Variants in NRG3 observed in about 807,000 individuals in gnomAD.
NRG3 encodes the protein neuregulin 3, also known as pro-neuregulin-3, membrane-bound isoform.
In NRG3, 31 loss-of-function variants were observed where a neutral mutation model predicts 66.9. The observed-to-expected ratio is 0.46, with a 90% confidence interval of 0.35 to 0.63. The LOEUF (loss-of-function observed/expected upper bound fraction) is 0.63, where lower values mean the gene tolerates loss of function less well. Ranked by LOEUF, NRG3 falls within the 20% of genes least tolerant of loss-of-function variation. The probability of loss-of-function intolerance (pLI) is 0.00; values close to 1 mark genes in which losing one functional copy is unlikely to be tolerated. For missense variants in NRG3, 910 were observed against 878.9 expected (o/e 1.04, Z -0.45); for synonymous variants, 393 against 359.4 (o/e 1.09, Z -1.06).
At chr10:82,966,435 A>C (rs941161333) in intron 6 of NRG3, among the ~76,000 whole-genome samples, 10 of 152,148 alleles carry the variant, frequency 6.6e-5, no homozygotes, top group African/African-American at 2.4e-4. Context: ...TTTCTGTAGA[A>C]ATTTTTAAAG....
rs139476233 is a variant in NRG3 at position 82,675,261 on chromosome 10, G to A, written c.954-63316G>A. Among the ~76,000 whole-genome samples the A allele has an allele frequency of 1.4e-3, 213 of 152,146 alleles. 2 individuals carry two copies. The East Asian group carries it at 0.034, about 24-fold the overall frequency. Reference sequence around the variant, plus strand: ...TGTGAGACACTGCACCCGGCCTTGGGGTTTTTCAAAGATTGTTTGGGGGAA... The same window carrying A: ...TGTGAGACACTGCACCCGGCCTTGGAGTTTTTCAAAGATTGTTTGGGGGAA... On this transcript the variant is annotated intron_variant, in intron 2 of 8. Coordinates refer to ENST00000372141, the MANE Select transcript of NRG3 (RefSeq NM_001010848.4).
At chr10:82,376,752 G>T (rs1392113308) in intron 2 of NRG3, among the ~76,000 whole-genome samples, 2 of 152,144 alleles carry the variant, frequency 1.3e-5, no homozygotes, top group African/African-American at 4.8e-5. Context: ...GGTTTTCCAT[G>T]GCTGCATGTT....
chr10:81,998,667 G>C (rs1829194541), intron 1 of NRG3, among the ~76,000 whole-genome samples: 1 of 152,202 alleles, frequency 6.6e-6, no homozygotes, highest in African/African-American at 2.4e-5. Flanking sequence ...GTGTGTGATA[G>C]ATAGAGGACC....
At chr10:82,063,198 A>T (rs570531380) in intron 1 of NRG3, among the ~76,000 whole-genome samples, 5 of 152,222 alleles carry the variant, frequency 3.3e-5, no homozygotes, top group African/African-American at 9.6e-5. Flanking sequence ...GAGAGTATTC[A>T]TGGCTGTTTT....
chr10:82,761,922 CTCTTTCTTTCTTTCTTTCTTTCTTTCTT>C (rs140350240), intron 3 of NRG3, among the ~76,000 whole-genome samples: 2 of 123,784 alleles, frequency 1.6e-5, no homozygotes, highest in African/African-American at 3.0e-5. Flanking sequence ...TTCTTTCTTT[CTCTTTCTTTCTTTCTTTCTTTCTTTCTT>C]TCTTTCTTTC....
At chr10:82,280,405 G>C (rs1318502374) in intron 1 of NRG3, among the ~76,000 whole-genome samples, 3 of 152,014 alleles carry the variant, frequency 2.0e-5, no homozygotes, top group Non-Finnish European at 4.4e-5. Flanking sequence ...TAAATGTCTT[G>C]ACCTTGGAAA....
intron 1 of NRG3, among the ~76,000 whole-genome samples, chr10:82,050,860 A>G (rs1002952629): frequency 4.6e-5 from 5 of 108,616 alleles, no homozygotes; most frequent in East Asian, 2.5e-4. Flanking sequence ...CCCACCGTTC[A>G]TCTTTACCCT....
intron 1 of NRG3, among the ~76,000 whole-genome samples, chr10:82,206,720 C>A (rs1409433186): frequency 6.6e-6 from 1 of 152,162 alleles, no homozygotes; most frequent in Admixed American, 6.6e-5. Flanking sequence ...ACCTTTACAC[C>A]AAGCTACATA....
intron 2 of NRG3, among the ~76,000 whole-genome samples, chr10:82,530,054 C>G (rs953496353): frequency 5.9e-5 from 9 of 152,058 alleles, no homozygotes; most frequent in Admixed American, 2.0e-4. Flanking sequence ...TGGAATCAAA[C>G]TAAAAGTTTA....
chr10:82,689,224 T>C (rs2054738214), intron 2 of NRG3, among the ~76,000 whole-genome samples: 1 of 152,174 alleles, frequency 6.6e-6, no homozygotes, highest in African/African-American at 2.4e-5. Flanking sequence ...GACGTAAAAA[T>C]GTTATCTTCC....
intron 1 of NRG3, among the ~76,000 whole-genome samples, chr10:82,323,488 C>CTTT (rs1407625347): frequency 6.8e-6 from 1 of 146,380 alleles, no homozygotes; most frequent in African/African-American, 2.7e-5. Flanking sequence ...GACATATTAT[C>CTTT]CTTTTTTTTT....
chr10:82,517,393 G>A (rs1359369725), intron 2 of NRG3, among the ~76,000 whole-genome samples: 4 of 152,186 alleles, frequency 2.6e-5, no homozygotes, highest in East Asian at 3.9e-4. Flanking sequence ...ACAATTATTC[G>A]TTTGATTTAC....
chr10:82,500,757 G>A (rs540120278), intron 2 of NRG3, among the ~76,000 whole-genome samples: 4 of 152,238 alleles, frequency 2.6e-5, no homozygotes, highest in African/African-American at 9.6e-5. Context: ...TGTCTAAGGG[G>A]TACTCATCTT....
rs73307841 is a variant in NRG3 at position 82,492,871 on chromosome 10, T to C, written c.953+134003T>C. On this transcript the variant is annotated intron_variant, in intron 2 of 8. Transcript: ENST00000372141. ...GGCACCAAGGTCCACTTCACTATTT[T>C]ACAGACACAGTTGGCCCAGGGTCCA... is the stretch of plus-strand genomic sequence containing the variant. 4.2e-3 allele frequency among the ~76,000 whole-genome samples: 646 copies of C among 152,334 alleles called. 4 individuals are homozygous for C. The highest frequency in any genetic ancestry group is 0.015 in the African/African-American group (625 of 41,582).
At chr10:82,884,105 T>G (rs1334185326) in intron 4 of NRG3, among the ~76,000 whole-genome samples, 1 of 152,124 alleles carries the variant, frequency 6.6e-6, no homozygotes, top group Non-Finnish European at 1.5e-5. Context: ...ATAAGAGATA[T>G]AAGCAAAATG....
chr10:82,064,448 T>C (rs1564784634), intron 1 of NRG3, among the ~76,000 whole-genome samples: 1 of 152,116 alleles, frequency 6.6e-6, no homozygotes, highest in African/African-American at 2.4e-5. Flanking sequence ...TAAATAATCA[T>C]TTGCTGAACA....
chr10:82,876,387 G>T (rs1025094175), intron 4 of NRG3, among the ~76,000 whole-genome samples: 24 of 152,150 alleles, frequency 1.6e-4, no homozygotes, highest in African/African-American at 5.6e-4. Context: ...TCTAGTTGAA[G>T]GATCAAGACC....
intron 1 of NRG3, among the ~76,000 whole-genome samples, chr10:82,278,473 C>T (rs1198382233): frequency 6.6e-6 from 1 of 152,058 alleles, no homozygotes; most frequent in Non-Finnish European, 1.5e-5. Flanking sequence ...ACTGTCTTCC[C>T]TGTTTCCTCT....
chr10:82,489,090 T>G (rs1002526124), intron 2 of NRG3, among the ~76,000 whole-genome samples: 1 of 152,192 alleles, frequency 6.6e-6, no homozygotes, highest in Non-Finnish European at 1.5e-5. Flanking sequence ...ACTAGTATTG[T>G]AAACCACATA....
Sources: gnomAD v4.1 joint callset for allele counts (sites outside exome capture counted in the v4.1 genomes callset) on GRCh38, gnomAD v4.1.1 for gene constraint, MANE v1.5 for transcripts, NCBI Gene and HGNC (gene_info 2026-07-23, HGNC 2026-07-21) for gene names.